Variants in MCTP1 observed in about 807,000 individuals in gnomAD.
The protein encoded by MCTP1 is multiple C2 and transmembrane domain containing 1, also known as multiple C2 and transmembrane domain-containing protein 1.
A neutral mutation model predicts 120.6 loss-of-function variants in MCTP1; 69 were observed. The ratio of observed to expected loss-of-function variants is 0.57; its 90% CI spans 0.47 to 0.70. MCTP1 has a LOEUF of 0.70. Ranked by LOEUF, MCTP1 falls within the 30% of genes least tolerant of loss-of-function variation. MCTP1 has a pLI of 0.00. For missense variants in MCTP1, 1,203 were observed against 1,248.8 expected (o/e 0.96, Z 0.55); for synonymous variants, 529 against 493.1 (o/e 1.07, Z -0.96).
chr5:94,835,320 T>G (rs534395628), intron 17 of MCTP1, among the ~76,000 whole-genome samples: 1 of 152,314 alleles, frequency 6.6e-6, no homozygotes, highest in East Asian at 1.9e-4. Context: ...TTTTCTTACT[T>G]AGTTCTCACA....
intron 2 of MCTP1, among the ~76,000 whole-genome samples, chr5:94,986,897 C>T (rs755847814): frequency 7.2e-5 from 11 of 152,118 alleles, no homozygotes; most frequent in Non-Finnish European, 1.5e-4. Flanking sequence ...GTTTCAGGAT[C>T]CACATGCACA....
intron 1 of MCTP1, among the ~76,000 whole-genome samples, chr5:95,117,618 ATCTAGAACCAGAAAAACC>A (rs1408859530): frequency 6.6e-6 from 1 of 152,162 alleles, no homozygotes; most frequent in Non-Finnish European, 1.5e-5. Flanking sequence ...TTCCTCAAAG[ATCTAGAACCAGAAAAACC>A]ATTTGACCCA....
chr5:94,859,093 T>G (rs558322192), intron 17 of MCTP1, among the ~76,000 whole-genome samples: 19 of 151,810 alleles, frequency 1.3e-4, no homozygotes, highest in African/African-American at 4.6e-4. Flanking sequence ...TTTAACTACA[T>G]ATCAGCCAAG....
chr5:94,983,661 G>GTCAA (rs1357815406), intron 2 of MCTP1, among the ~76,000 whole-genome samples: 1 of 16,026 alleles, frequency 6.2e-5, no homozygotes, highest in African/African-American at 1.2e-4. Context: ...CTGTCTGTCT[G>GTCAA]TCTGTCAATC....
intron 22 of MCTP1, 49 bp downstream of exon 22, chr5:94,708,463 G>GCC (rs1755478457): frequency 3.5e-6 from 4 of 1,146,742 alleles, no homozygotes; most frequent in Non-Finnish European, 5.2e-6. Context: ...AAAACCCCAT[G>GCC]CCACACTACA....
intron 1 of MCTP1, among the ~76,000 whole-genome samples, chr5:95,171,335 C>T (rs575058312): frequency 2.6e-5 from 4 of 152,250 alleles, no homozygotes; most frequent in African/African-American, 7.2e-5. Context: ...TCTCGGGCTG[C>T]CCTTAACATT....
chr5:94,877,239 A>G (rs1799084240), intron 12 of MCTP1, among the ~76,000 whole-genome samples: 1 of 152,156 alleles, frequency 6.6e-6, no homozygotes, highest in South Asian at 2.1e-4. Flanking sequence ...ATTTTGCTTA[A>G]ATGTATTTGT....
chr5:95,017,910 ACTCATTTAT>A (rs1406544237), intron 1 of MCTP1, among the ~76,000 whole-genome samples: 1 of 152,074 alleles, frequency 6.6e-6, no homozygotes, highest in African/African-American at 2.4e-5. Flanking sequence ...GTGACTGCTG[ACTCATTTAT>A]CTGTGCAGAA....
chr5:94,979,449 C>T (rs1434048740), intron 2 of MCTP1: 1 of 152,076 alleles, frequency 6.6e-6, no homozygotes, highest in African/African-American at 2.4e-5. Context: ...GAGTGAATGT[C>T]TTCTATATGC....
intron 1 of MCTP1, among the ~76,000 whole-genome samples, chr5:95,184,575 C>G (rs1254015760): frequency 6.6e-6 from 1 of 152,154 alleles, no homozygotes; most frequent in African/African-American, 2.4e-5. Flanking sequence ...TCAAACAAAA[C>G]TGATAACAGC....
chr5:95,135,493 T>C (rs1274776449), intron 1 of MCTP1, among the ~76,000 whole-genome samples: 1 of 152,148 alleles, frequency 6.6e-6, no homozygotes, highest in Admixed American at 6.6e-5. Context: ...TCTGTGAGGG[T>C]GCTGGCAAAG....
chr5:95,249,871 G>A (rs1161112726), intron 1 of MCTP1, among the ~76,000 whole-genome samples: 1 of 152,174 alleles, frequency 6.6e-6, no homozygotes, highest in African/African-American at 2.4e-5. Context: ...CATGGATGAA[G>A]CTAGAAACCA....
chr5:95,069,739 C>T (rs1003699989), intron 1 of MCTP1, among the ~76,000 whole-genome samples: 2 of 149,860 alleles, frequency 1.3e-5, no homozygotes, highest in African/African-American at 4.9e-5. Flanking sequence ...TGCTTTGTCG[C>T]CCAGGCTGGA....
intron 1 of MCTP1, among the ~76,000 whole-genome samples, chr5:95,231,011 G>T (rs977426099): frequency 6.6e-6 from 1 of 152,116 alleles, no homozygotes; most frequent in Non-Finnish European, 1.5e-5. Context: ...GATGGAAATG[G>T]CTATTGACAT....
intron 12 of MCTP1, among the ~76,000 whole-genome samples, chr5:94,882,753 C>T (rs1174017791): frequency 6.6e-6 from 1 of 152,140 alleles, no homozygotes; most frequent in Admixed American, 6.6e-5. Context: ...AGTGGGACCA[C>T]CACTTTCTCA....
chr5:94,764,400 G>A lies in MCTP1; in HGVS notation c.2610+14710C>T, dbSNP rs7726743. ...TAATCCATGCATCCTTGTTTACTTC[G>A]AGTCTGTAATCCATGCATCCTTGTT... On this transcript the variant is annotated intron_variant, in intron 19 of 22. Coordinates refer to ENST00000515393, the MANE Select transcript of MCTP1 (RefSeq NM_024717.7). Among the ~76,000 whole-genome samples the A allele has an allele frequency of 9.8e-3, 1,486 of 152,130 alleles. 26 individuals carry two copies. The highest frequency in any genetic ancestry group is 0.034 in the African/African-American group (1,400 of 41,494).
rs368983443 is a variant in MCTP1, at chr5:94,882,003, T to A, written c.1933+6876A>T. ...TGTAACAGAACTGATGTATGTATAA[T>A]TTACTCTCATGGAGTTTAAACTCAA... On this transcript the variant is annotated intron_variant, in intron 12 of 22. Transcript: ENST00000515393. Among the ~76,000 whole-genome samples, 4 of 152,154 alleles carry A rather than the reference T, an allele frequency of 2.6e-5. No homozygotes were observed. The East Asian group carries it at 7.7e-4, about 29-fold the overall frequency.
intron 17 of MCTP1, among the ~76,000 whole-genome samples, chr5:94,858,576 T>G (rs1795149525): frequency 6.6e-6 from 1 of 151,672 alleles, no homozygotes; most frequent in African/African-American, 2.4e-5. Flanking sequence ...TTCCCTTAAT[T>G]AAGGACAATT....
intron 1 of MCTP1, among the ~76,000 whole-genome samples, chr5:95,102,751 G>GA (rs1258744137): frequency 1.3e-5 from 2 of 152,172 alleles, no homozygotes; most frequent in Non-Finnish European, 2.9e-5. Context: ...TAAGGGTAGG[G>GA]ATCACAGGAA....
Sources: gnomAD v4.1 joint callset for allele counts (sites outside exome capture counted in the v4.1 genomes callset) on GRCh38, gnomAD v4.1.1 for gene constraint, MANE v1.5 for transcripts, NCBI Gene and HGNC (gene_info 2026-07-23, HGNC 2026-07-21) for gene names.